Variants in RPP30 observed in about 807,000 individuals in gnomAD.
The protein encoded by RPP30 is ribonuclease P/MRP subunit p30.
RPP30 carries 36 observed loss-of-function variants against 38.6 expected under a neutral mutation model. The ratio of observed to expected loss-of-function variants is 0.93; its 90% CI spans 0.71 to 1.23. The LOEUF is 1.23. Ranked by LOEUF, RPP30 falls within the 50% of genes most tolerant of loss-of-function variation. The probability of loss-of-function intolerance (pLI) is 0.00; values close to 1 mark genes in which losing one functional copy is unlikely to be tolerated. For missense variants in RPP30, 321 were observed against 321.7 expected (o/e 1.00, Z 0.02); for synonymous variants, 126 against 112.7 (o/e 1.12, Z -0.75).
At chr10:90,893,901 T>G (rs551303098) in intron 6 of RPP30, among the ~76,000 whole-genome samples, 2 of 152,350 alleles carry the variant, frequency 1.3e-5, no homozygotes, top group East Asian at 3.9e-4. Context: ...ATGCAGACAT[T>G]TAGGTGCTCA....
At chr10:90,877,983 G>A (rs538823469) in intron 4 of RPP30, among the ~76,000 whole-genome samples, 1 of 152,320 alleles carries the variant, frequency 6.6e-6, no homozygotes, top group African/African-American at 2.4e-5. Flanking sequence ...TATTGCTAAA[G>A]AAATTGTGAA....
At chr10:90,908,136 G>A (rs1318026501), downstream of RPP30, 2 of 152,328 alleles carry the variant, frequency 1.3e-5, no homozygotes, top group South Asian at 2.1e-4. Flanking sequence ...CAGCTAGGAT[G>A]TTGCTATCAA....
At chr10:90,872,155 C>A in intron 1 of RPP30, 87 bp downstream of exon 1, 1 of 1,118,576 alleles carries the variant, frequency 8.9e-7, no homozygotes, top group Non-Finnish European at 1.4e-6. Flanking sequence ...CCTGATGGGT[C>A]TCGGTCAGGT....
intron 7 of RPP30, 41 bp downstream of exon 7, chr10:90,894,932 GT>G: frequency 1.5e-6 from 2 of 1,318,086 alleles, no homozygotes; most frequent in Non-Finnish European, 2.2e-6. Flanking sequence ...GCATCTGGCA[GT>G]TTATTATTAG....
intron 10 of RPP30, among the ~76,000 whole-genome samples, chr10:90,898,109 CCTT>C (rs111946948): frequency 1.4e-3 from 208 of 152,284 alleles, no homozygotes; most frequent in African/African-American, 4.7e-3. Context: ...TGGTAACCAT[CCTT>C]CTACTTTCTG....
chr10:90,889,748 A>G (rs757318948), intron 6 of RPP30, among the ~76,000 whole-genome samples: 1 of 152,156 alleles, frequency 6.6e-6, no homozygotes, highest in Non-Finnish European at 1.5e-5. Context: ...CAGGAGCTCT[A>G]TAGCATACCA....
intron 5 of RPP30, among the ~76,000 whole-genome samples, chr10:90,885,087 C>T (rs1330271162): frequency 6.6e-6 from 1 of 152,084 alleles, no homozygotes; most frequent in Non-Finnish European, 1.5e-5. Flanking sequence ...ATTTTCTTAT[C>T]TGTTTATTTT....
At chr10:90,891,781 A>G (rs1485250379) in intron 6 of RPP30, among the ~76,000 whole-genome samples, 1 of 152,234 alleles carries the variant, frequency 6.6e-6, no homozygotes, top group Non-Finnish European at 1.5e-5. Flanking sequence ...ACTCTGGAAG[A>G]AGACACAAGA....
chr10:90,878,737 C>T (rs1480347107), intron 4 of RPP30, among the ~76,000 whole-genome samples: 1 of 152,186 alleles, frequency 6.6e-6, no homozygotes, highest in African/African-American at 2.4e-5. Flanking sequence ...AGGCAGTCCT[C>T]CCACGTCGGC....
intron 6 of RPP30, among the ~76,000 whole-genome samples, chr10:90,886,757 C>T (rs996525344): frequency 1.1e-4 from 16 of 152,204 alleles, no homozygotes; most frequent in Non-Finnish European, 2.2e-4. Flanking sequence ...GTCAAAATTA[C>T]ATATCCAATC....
intron 6 of RPP30, among the ~76,000 whole-genome samples, chr10:90,888,685 A>G (rs1246466648): frequency 1.3e-5 from 2 of 152,146 alleles, no homozygotes; most frequent in African/African-American, 4.8e-5. Flanking sequence ...GGACAGTGGC[A>G]CTCAAGACAG....
intron 6 of RPP30, among the ~76,000 whole-genome samples, chr10:90,890,631 G>A (rs962378273): frequency 5.9e-5 from 9 of 151,914 alleles, no homozygotes; most frequent in African/African-American, 1.9e-4. Context: ...GTTAAGTACT[G>A]TGTCCATTCA....
chr10:90,890,471 T>G (rs1847066803), intron 6 of RPP30, among the ~76,000 whole-genome samples: 1 of 152,204 alleles, frequency 6.6e-6, no homozygotes, highest in Non-Finnish European at 1.5e-5. Context: ...CCTAATCCAT[T>G]TCTGTCTTCG....
chr10:90,873,897 T>A (rs939577763), intron 1 of RPP30, among the ~76,000 whole-genome samples: 2 of 152,192 alleles, frequency 1.3e-5, no homozygotes, highest in Non-Finnish European at 2.9e-5. Flanking sequence ...TGTACTTCCA[T>A]AGAATCCTTA....
rs988416974 is a variant in RPP30 at position 90,874,970 on chromosome 10, G to A, written c.138+46G>A. The A allele has an allele frequency of 1.4e-5, 17 of 1,234,376 alleles. No homozygotes were observed. In the South Asian group the frequency reaches 2.1e-4, roughly 16 times the overall value. The allele number at this position is 1,234,376 out of a possible 1,614,324, so 76.5% of individuals were successfully genotyped here. ...TTAATAAGTTCATAAATAAGTATTT[G>A]TAATTCTGTTTGTATTGGTAATTTG... is the stretch of plus-strand genomic sequence containing the variant. On this transcript the variant is annotated intron_variant, in intron 2 of 10. Coordinates refer to ENST00000371703, the MANE Select transcript of RPP30 (RefSeq NM_006413.5).
rs570389012 is a variant in RPP30, at chr10:90,895,831, A to G, written c.580-49A>G. 8 of 1,315,960 alleles carry G rather than the reference A, an allele frequency of 6.1e-6. No homozygotes were observed. The African/African-American group carries it at 1.0e-4, about 17-fold the overall frequency. The allele number at this position is 1,315,960 out of a possible 1,614,324, so 81.5% of individuals were successfully genotyped here. ...TATTAATTTGCTATAAGTCATTGAA[A>G]TGTTATAAATAATTTTCTCATATCT... On this transcript the variant is annotated intron_variant, in intron 8 of 10. Coordinates refer to ENST00000371703, the MANE Select transcript of RPP30 (RefSeq NM_006413.5).
At chr10:90,887,268 C>T (rs1349303091) in intron 6 of RPP30, among the ~76,000 whole-genome samples, 2 of 152,054 alleles carry the variant, frequency 1.3e-5, no homozygotes, top group East Asian at 3.9e-4. Flanking sequence ...ATGCCTGACC[C>T]ACCCAATGGG....
intron 6 of RPP30, among the ~76,000 whole-genome samples, chr10:90,890,329 T>C (rs1269883757): frequency 6.6e-6 from 1 of 152,206 alleles, no homozygotes; most frequent in Admixed American, 6.5e-5. Context: ...TTCCCTTTGA[T>C]TTTTTTACAA....
intron 10 of RPP30, among the ~76,000 whole-genome samples, chr10:90,899,434 A>G (rs527554112): frequency 6.6e-6 from 1 of 152,330 alleles, no homozygotes; most frequent in African/African-American, 2.4e-5. Flanking sequence ...TCATAGCTAA[A>G]TTTCTGTTCA....
Sources: gnomAD v4.1 joint callset for allele counts (sites outside exome capture counted in the v4.1 genomes callset) on GRCh38, gnomAD v4.1.1 for gene constraint, MANE v1.5 for transcripts, NCBI Gene and HGNC (gene_info 2026-07-23, HGNC 2026-07-21) for gene names.